Variants in MITF observed in about 807,000 individuals in gnomAD.
The protein encoded by MITF is melanocyte inducing transcription factor, also known as microphthalmia-associated transcription factor.
MITF carries 17 observed loss-of-function variants against 60.5 expected under a neutral mutation model. The ratio of observed to expected loss-of-function variants is 0.28; its 90% confidence interval spans 0.19 to 0.42. MITF has a LOEUF of 0.42. MITF is among the 10% of genes least tolerant of loss of function. The pLI is 1.00. For synonymous variants in MITF, 260 were observed against 248.5 expected (o/e 1.05, Z -0.43); for missense variants, 622 against 683.5 (o/e 0.91, Z 1.00).
chr3:69,830,341 G>T (rs915042630), intron 1 of MITF, among the ~76,000 whole-genome samples: 1 of 152,136 alleles, frequency 6.6e-6, no homozygotes, highest in Non-Finnish European at 1.5e-5. Context: ...GCTCACCTGG[G>T]TGTGTACTTC....
At position 69,967,327 on chromosome 3, in the gene MITF, A is replaced by C. The variant is rs886058817; in HGVS notation, c.*2079A>C. On this transcript the variant is annotated 3_prime_UTR_variant, in exon 10 of 10. Coordinates refer to ENST00000352241, the MANE Select transcript of MITF (RefSeq NM_001354604.2). ...TCCTAGAATAGTGACGCAAATCTGC[A>C]TGAACAGCTAATTGTACCATAGTGT... 1 of 232,750 alleles carries C rather than the reference A, an allele frequency of 4.3e-6. No individual in the cohort carries two copies. The highest frequency in any genetic ancestry group is 6.1e-5 in the East Asian group (1 of 16,508). The allele number at this position is 232,750 out of a possible 1,614,324, so 14.4% of individuals were successfully genotyped here. A position where few individuals can be genotyped will look rare whatever the true frequency, so the allele number is the denominator to read the frequency against.
intron 1 of MITF, among the ~76,000 whole-genome samples, chr3:69,775,748 G>A (rs1161950018): frequency 6.6e-6 from 1 of 152,098 alleles, no homozygotes; most frequent in Non-Finnish European, 1.5e-5. Flanking sequence ...TTGTGTAATG[G>A]AACTTTTAAG....
chr3:69,953,603 A>G (rs1434500716), intron 7 of MITF, among the ~76,000 whole-genome samples: 1 of 147,780 alleles, frequency 6.8e-6, no homozygotes, highest in Non-Finnish European at 1.5e-5. Flanking sequence ...ATATATATGT[A>G]TGTATATGTA....
intron 1 of MITF, among the ~76,000 whole-genome samples, chr3:69,857,403 A>G (rs1251912205): frequency 6.6e-6 from 1 of 152,126 alleles, no homozygotes; most frequent in African/African-American, 2.4e-5. Context: ...AATAATAAAC[A>G]TGGGGTATGA....
chr3:69,742,158 AG>A (rs1703549261), intron 1 of MITF, among the ~76,000 whole-genome samples: 1 of 152,128 alleles, frequency 6.6e-6, no homozygotes, highest in African/African-American at 2.4e-5. Context: ...TCAGTATAGT[AG>A]CCACAATGTT....
intron 7 of MITF, among the ~76,000 whole-genome samples, chr3:69,953,597 A>G (rs1282742792): frequency 6.7e-6 from 1 of 148,778 alleles, no homozygotes; most frequent in African/African-American, 2.5e-5. Context: ...GTATATATAT[A>G]TATGTATGTA....
chr3:69,823,102 C>T (rs983991303), intron 1 of MITF, among the ~76,000 whole-genome samples: 2 of 152,156 alleles, frequency 1.3e-5, no homozygotes, highest in African/African-American at 4.8e-5. Flanking sequence ...TGGTCTCGAA[C>T]TCCTGACCTC....
chr3:69,750,171 G>T (rs1703876532), intron 1 of MITF, among the ~76,000 whole-genome samples: 1 of 151,932 alleles, frequency 6.6e-6, no homozygotes, highest in Non-Finnish European at 1.5e-5. Flanking sequence ...CTCACTTTTG[G>T]GTTCATATAC....
intron 1 of MITF, among the ~76,000 whole-genome samples, chr3:69,815,107 A>T (rs930782895): frequency 6.6e-6 from 1 of 152,228 alleles, no homozygotes; most frequent in South Asian, 2.1e-4. Context: ...ACAAATGTTT[A>T]CCATAAATAC....
chr3:69,949,250 C>T, intron 6 of MITF, 82 bp downstream of exon 6: 1 of 1,024,344 alleles, frequency 9.8e-7, no homozygotes, highest in Non-Finnish European at 1.6e-6. Context: ...TAGTGATGTG[C>T]AAACTATATC....
In MITF at chr3:69,938,175, C is replaced by T. The variant is rs113394882; in HGVS notation, c.582+126C>T. On this transcript the variant is annotated intron_variant, in intron 3 of 9. Transcript: ENST00000352241. Reference sequence around the variant, plus strand: ...GGCCACATTTACCAGCCTTTGTCCCCGATTCACCATCGTGGCTGTGGCATT... The same window carrying T: ...GGCCACATTTACCAGCCTTTGTCCCTGATTCACCATCGTGGCTGTGGCATT... The T allele has an allele frequency of 6.4e-3, 7,792 of 1,212,126 alleles. 135 individuals are homozygous for T. Among genetic ancestry groups the T allele is most frequent in the African/African-American group, 0.06 (3,991 of 66,588 alleles). The allele number at this position is 1,212,126 out of a possible 1,614,324, so 75.1% of individuals were successfully genotyped here. A position where few individuals can be genotyped will look rare whatever the true frequency, so the allele number is the denominator to read the frequency against.
chr3:69,881,481 A>G (rs2064486410), intron 2 of MITF, among the ~76,000 whole-genome samples: 1 of 152,096 alleles, frequency 6.6e-6, no homozygotes, highest in South Asian at 2.1e-4. Flanking sequence ...TTAAGACAAT[A>G]TTTTAAGAAA....
At chr3:69,939,073 A>G (rs2107483506) in intron 3 of MITF, 25 bp from the exon 4 acceptor site, 1 of 1,612,642 alleles carries the variant, frequency 6.2e-7, no homozygotes, top group Non-Finnish European at 8.5e-7. Flanking sequence ...CAAGTTATAG[A>G]CTGTTTTTGC....
At chr3:69,942,989 T>G (rs74583047) in intron 5 of MITF, among the ~76,000 whole-genome samples, 3,132 of 152,104 alleles carry the variant, frequency 0.021, 77 homozygotes, top group African/African-American at 0.064. Flanking sequence ...GACATGATTC[T>G]GTAAAATCAT....
At chr3:69,938,440 G>T in intron 3 of MITF, 1 of 1,510,652 alleles carries the variant, frequency 6.6e-7, no homozygotes, top group Non-Finnish European at 8.8e-7. Flanking sequence ...ATGCTGTTTA[G>T]AAGTTCCGCT....
At chr3:69,840,275 A>G (rs1259544299) in intron 1 of MITF, among the ~76,000 whole-genome samples, 1 of 152,170 alleles carries the variant, frequency 6.6e-6, no homozygotes, top group Non-Finnish European at 1.5e-5. Flanking sequence ...GAACACTTCT[A>G]TGGGCACAAT....
At chr3:69,817,153 A>T (rs1260840865) in intron 1 of MITF, among the ~76,000 whole-genome samples, 1 of 152,172 alleles carries the variant, frequency 6.6e-6, no homozygotes, top group Non-Finnish European at 1.5e-5. Flanking sequence ...GAACCTGATT[A>T]TATCTTTAAT....
intron 1 of MITF, among the ~76,000 whole-genome samples, chr3:69,824,435 G>C (rs987611215): frequency 3.7e-4 from 56 of 152,092 alleles, no homozygotes; most frequent in Admixed American, 1.0e-3. Flanking sequence ...TTGCCTCTCA[G>C]GTCCAAATTC....
At position 69,937,902 on chromosome 3, in the gene MITF, C is replaced by T. The variant is rs752712909; in HGVS notation, c.435C>T (p.Thr145=). The T allele has an allele frequency of 6.2e-7, 1 of 1,614,118 alleles. No individual in the cohort carries two copies. Among genetic ancestry groups the T allele is most frequent in the Non-Finnish European group, 8.5e-7 (1 of 1,179,992 alleles). ...QRQQVKQYLS[T]TLANKHANQV... ...AGCAGGTAAAGCAGTACCTTTCTAC[C>T]ACTTTAGCAAATAAACATGCCAACC... Residue 145 remains threonine (T), a synonymous_variant, in exon 3 of 10, where the codon ACC becomes ACT. Transcript: ENST00000352241.
Sources: allele counts gnomAD v4.1 joint callset (sites outside exome capture counted in the v4.1 genomes callset), GRCh38; gene constraint gnomAD v4.1.1; transcripts MANE v1.5; gene names NCBI Gene and HGNC (gene_info 2026-07-23, HGNC 2026-07-21).